Variants in ZNF583 observed in about 807,000 individuals in gnomAD.
The protein encoded by ZNF583 is zinc finger protein 583, also known as zinc finger protein L3-5.
ZNF583 carries 30 observed loss-of-function variants against 55.3 expected under a neutral mutation model. That is an observed-to-expected ratio of 0.54 (90% CI 0.41 to 0.74). The LOEUF (loss-of-function observed/expected upper bound fraction) is 0.74, where lower values mean the gene tolerates loss of function less well. ZNF583 is among the 30% of genes least tolerant of loss of function. The probability of loss-of-function intolerance (pLI) is 0.00; values close to 1 mark genes in which losing one functional copy is unlikely to be tolerated. For synonymous variants in ZNF583, 208 were observed against 220.0 expected (o/e 0.95, Z 0.48); for missense variants, 504 against 664.7 (o/e 0.76, Z 2.66).
intron 4 of ZNF583, chr19:56,421,658 A>T (rs2042417800): frequency 7.5e-6 from 2 of 265,482 alleles, no homozygotes; most frequent in Admixed American, 1.3e-4. Flanking sequence ...TAAGAGGATG[A>T]ATTAGTGTGG....
At position 56,413,972 on chromosome 19, in the gene ZNF583, T is replaced by C; in HGVS notation, c.23T>C (p.Phe8Ser). The change falls in exon 3 of 5, where the codon TTT becomes TCT. Residue 8 changes from phenylalanine to serine, a missense_variant. By Grantham distance (155) the Phe-to-Ser change is radical (BLOSUM62 -2). This residue lies in a region of ZNF583 where 204 missense variants were observed against 235.2 expected (regional missense o/e 0.87). Transcript: ENST00000333201. ...ATGTCATTTCAGGATTTGGTGACAT[T>C]TGGGGATGTGGCTGTAAATTTCTCT... MSKDLVT[F>S]GDVAVNFSQE... The C allele has an allele frequency of 1.2e-6, 2 of 1,614,118 alleles. No homozygotes were observed. Among genetic ancestry groups the C allele is most frequent in the Non-Finnish European group, 1.7e-6 (2 of 1,180,010 alleles).
At position 56,425,185 on chromosome 19, in the gene ZNF583, A is replaced by T. The variant is rs2042483393; in HGVS notation, c.*817A>T. ...TATCAGCATTCACTGGATATTTAAC[A>T]GTTCTAAGATGCTAATGTCTTATTT... On this transcript the variant is annotated 3_prime_UTR_variant, in exon 5 of 5. Coordinates refer to ENST00000333201, the MANE Select transcript of ZNF583 (RefSeq NM_152478.3). 6.6e-6 allele frequency: 1 copy of T among 152,060 alleles called. No homozygotes were observed. Among genetic ancestry groups the T allele is most frequent in the Non-Finnish European group, 1.5e-5 (1 of 68,016 alleles). The allele number at this position is 152,060 out of a possible 1,614,324, so 9.4% of individuals were successfully genotyped here.
rs779166364 is a variant in ZNF583, at chr19:56,424,335, T to A, written c.1677T>A (p.Asn559Lys). 115 of 1,570,604 alleles carry A rather than the reference T, an allele frequency of 7.3e-5. No homozygotes were observed. In the East Asian group the frequency reaches 2.5e-3, roughly 35 times the overall value. The change falls in exon 5 of 5, where the codon AAT (asparagine) becomes AAA (lysine). Residue 559 changes from asparagine to lysine, a missense_variant. Around this residue, in one of 3 missense-constraint regions of ZNF583, gnomAD observed 63 missense variants for 56.5 expected, o/e 1.11. Transcript: ENST00000333201. ...TLSSPSPSTS[N>K]QLPRPVGFIS Reference sequence around the variant, plus strand: ...CCTCTCCCTCACCCTCCACATCAAATCAGTTGCCAAGACCTGTAGGTTTCA... The same window carrying A: ...CCTCTCCCTCACCCTCCACATCAAAACAGTTGCCAAGACCTGTAGGTTTCA...
chr19:56,409,058 AGACTTACCTT>A (rs2042199568), intron 2 of ZNF583, among the ~76,000 whole-genome samples: 1 of 150,724 alleles, frequency 6.6e-6, no homozygotes, highest in African/African-American at 2.5e-5. Context: ...CTCTTCATTT[AGACTTACCTT>A]GACTATATTA....
chr19:56,405,558 G>C (rs190605650), intron 1 of ZNF583, among the ~76,000 whole-genome samples: 7 of 152,102 alleles, frequency 4.6e-5, no homozygotes, highest in Admixed American at 4.6e-4. Context: ...GAGAAAGGGA[G>C]GGACGAGAGC....
chr19:56,411,992 G>A (rs1568805211), intron 2 of ZNF583, among the ~76,000 whole-genome samples: 1 of 152,146 alleles, frequency 6.6e-6, no homozygotes, highest in South Asian at 2.1e-4. Context: ...AAGAGTAGGG[G>A]TGATGTTCAT....
chr19:56,417,808 A>G (rs2042351469), intron 4 of ZNF583, among the ~76,000 whole-genome samples: 1 of 152,142 alleles, frequency 6.6e-6, no homozygotes, highest in Admixed American at 6.5e-5. Flanking sequence ...TTTTGAGCTA[A>G]TTTATGTGTC....
At chr19:56,421,455 C>A (rs1326703191) in intron 4 of ZNF583, 1 of 985,140 alleles carries the variant, frequency 1.0e-6, no homozygotes, top group African/African-American at 1.7e-5. Flanking sequence ...TGATTTGCAA[C>A]TGTTTAGAGA....
At position 56,425,216 on chromosome 19, in the gene ZNF583, GTC is replaced by G. The variant is rs2042483816; in HGVS notation, c.*850_*851del. On this transcript the variant is annotated 3_prime_UTR_variant, in exon 5 of 5. Coordinates refer to ENST00000333201, the MANE Select transcript of ZNF583 (RefSeq NM_152478.3). ...AAGATGCTAATGTCTTATTTTAAAAGTCTTTTTTTTTGAGATGGAGTCTTGCT... is the reference window on the plus strand; with the variant it reads ...AAGATGCTAATGTCTTATTTTAAAAGTTTTTTTTTGAGATGGAGTCTTGCT... 3.3e-5 allele frequency: 5 copies of G among 151,922 alleles called. No individual in the cohort carries two copies. Among genetic ancestry groups the G allele is most frequent in the Admixed American group, 3.3e-4 (5 of 15,238 alleles). The allele number at this position is 151,922 out of a possible 1,614,324, so 9.4% of individuals were successfully genotyped here.
rs893753294 is a variant in ZNF583 at position 56,424,191 on chromosome 19, G to A, written c.1533G>A (p.Gln511=). 2.5e-6 allele frequency: 4 copies of A among 1,613,846 alleles called. No homozygotes were observed. Among genetic ancestry groups the A allele is most frequent in the Non-Finnish European group, 3.4e-6 (4 of 1,179,946 alleles). Residue 511 remains glutamine, a synonymous_variant, in exon 5 of 5, where the codon CAG becomes CAA. Transcript: ENST00000333201. ...FSYSGSLTLH[Q]RIHTGERPYE... is the part of the protein sequence containing the mutation. ...ATAGTGGATCTCTTACTCTACATCAGAGAATTCATACTGGAGAAAGACCCT... is the reference window on the plus strand; with the variant it reads ...ATAGTGGATCTCTTACTCTACATCAAAGAATTCATACTGGAGAAAGACCCT...
intron 1 of ZNF583, among the ~76,000 whole-genome samples, chr19:56,405,636 C>A (rs1335526737): frequency 6.6e-6 from 1 of 152,068 alleles, no homozygotes; most frequent in East Asian, 1.9e-4. Context: ...GGCTGCTTGT[C>A]CTCTGGCACA....
At chr19:56,419,480 C>T (rs2042381194) in intron 4 of ZNF583, among the ~76,000 whole-genome samples, 1 of 152,212 alleles carries the variant, frequency 6.6e-6, no homozygotes, top group African/African-American at 2.4e-5. Flanking sequence ...AGGCGTGAGC[C>T]ACCACGCCCA....
chr19:56,423,085 A>G lies in ZNF583; in HGVS notation c.427A>G (p.Ile143Val). 1.2e-6 allele frequency: 2 copies of G among 1,613,016 alleles called. No individual in the cohort carries two copies. The highest frequency in any genetic ancestry group is 2.2e-5 in the South Asian group (2 of 90,742). Residue 143 changes from isoleucine to valine, a missense_variant, in exon 5 of 5, where the codon ATC (isoleucine) becomes GTC (valine). Around this residue, in one of 3 missense-constraint regions of ZNF583, gnomAD observed 204 missense variants for 235.2 expected, o/e 0.87. Coordinates refer to ENST00000333201, the MANE Select transcript of ZNF583 (RefSeq NM_152478.3). ...GSQEVHLSQL[I>V]ITHKEILPEV... ...TCAAGAGGTACATCTTAGTCAATTA[A>G]TCATCACTCATAAAGAAATCCTTCC...
intron 4 of ZNF583, among the ~76,000 whole-genome samples, chr19:56,416,896 C>T (rs2042334689): frequency 6.6e-6 from 1 of 152,088 alleles, no homozygotes; most frequent in Non-Finnish European, 1.5e-5. Context: ...TGTCTCTTTC[C>T]ATCTATCCTA....
At chr19:56,408,789 T>C (rs1180424685) in intron 2 of ZNF583, among the ~76,000 whole-genome samples, 2 of 152,222 alleles carry the variant, frequency 1.3e-5, no homozygotes, top group African/African-American at 4.8e-5. Flanking sequence ...CTTCATTGCC[T>C]TCCTATCTTA....
intron 2 of ZNF583, among the ~76,000 whole-genome samples, chr19:56,412,687 C>T (rs2042257227): frequency 6.6e-6 from 1 of 152,202 alleles, no homozygotes; most frequent in African/African-American, 2.4e-5. Flanking sequence ...CTCTTACACA[C>T]AGTCTCAGGA....
chr19:56,413,951 C>T lies in ZNF583; in HGVS notation c.10-8C>T. ...TAGTTGAGCAAGAATGTGTTTATGT[C>T]ATTTCAGGATTTGGTGACATTTGGG... On this transcript the variant is annotated splice_region_variant and splice_polypyrimidine_tract_variant and intron_variant, in intron 2 of 4. Transcript: ENST00000333201. 1 of 1,614,006 alleles carries T rather than the reference C, an allele frequency of 6.2e-7. No homozygotes were observed. Among genetic ancestry groups the T allele is most frequent in the Non-Finnish European group, 8.5e-7 (1 of 1,179,938 alleles).
At position 56,414,244 on chromosome 19, in the gene ZNF583, T is replaced by C. The variant is rs2042282493; in HGVS notation, c.137-101T>C. On this transcript the variant is annotated intron_variant, in intron 3 of 4. Coordinates refer to ENST00000333201, the MANE Select transcript of ZNF583 (RefSeq NM_152478.3). ...GGCAGCTTCATCTTCCCCATTCTTA[T>C]TCCTCAGCTCCCTCCCATTATTCTC... is the stretch of plus-strand genomic sequence containing the variant. 13 of 1,499,070 alleles carry C rather than the reference T, an allele frequency of 8.7e-6. No homozygotes were observed. In the Admixed American group the frequency reaches 2.0e-4, roughly 23 times the overall value. 92.9% of individuals were successfully genotyped at this position (1,499,070 alleles called of 1,614,324 possible).
chr19:56,412,324 A>G (rs563817935), intron 2 of ZNF583, among the ~76,000 whole-genome samples: 1 of 152,306 alleles, frequency 6.6e-6, no homozygotes, highest in South Asian at 2.1e-4. Flanking sequence ...TCTTGAGCTG[A>G]TTTATCTTGT....
Sources: gnomAD v4.1 joint callset for allele counts (sites outside exome capture counted in the v4.1 genomes callset) on GRCh38, gnomAD v4.1.1 for gene constraint, gnomAD v4.1.1 regional missense constraint, MANE v1.5 for transcripts, NCBI Gene and HGNC (gene_info 2026-07-23, HGNC 2026-07-21) for gene names.